Variants in CAPN15 observed in about 807,000 individuals in gnomAD.
The protein encoded by CAPN15 is calpain-15.
CAPN15 carries 53 observed loss-of-function variants against 97.9 expected under a neutral mutation model. The observed-to-expected ratio is 0.54, with a 90% confidence interval of 0.43 to 0.68. The LOEUF (loss-of-function observed/expected upper bound fraction) is 0.68. Among genes scored for constraint, CAPN15 ranks in the 30% least tolerant of loss-of-function variants. The pLI, the probability that CAPN15 is intolerant of heterozygous loss-of-function variation, is 0.00. For synonymous variants in CAPN15, 922 were observed against 722.5 expected (o/e 1.28, Z -4.43); for missense variants, 1,592 against 1,589.8 (o/e 1.00, Z -0.02).
Position 547,879 on chromosome 16 carries a change from C to T in CAPN15, c.1041C>T (p.Ala347=). 2 of 1,611,396 alleles carry T rather than the reference C, an allele frequency of 1.2e-6. No individual in the cohort carries two copies. Among genetic ancestry groups the T allele is most frequent in the Non-Finnish European group, 1.7e-6 (2 of 1,179,354 alleles). Residue 347 remains alanine, a synonymous_variant, in exon 4 of 14, where the codon GCC becomes GCT. Transcript: ENST00000219611. ...SSPDFTTWSC[A]KCTLRNPTVA... is the part of the protein sequence containing the mutation. Reference sequence around the variant, plus strand: ...CCGACTTCACCACCTGGTCATGTGCCAAGTGCACGCTCAGAAACCCCACAG... The same window carrying T: ...CCGACTTCACCACCTGGTCATGTGCTAAGTGCACGCTCAGAAACCCCACAG...
At position 548,118 on chromosome 16, in the gene CAPN15, T is replaced by C. The variant is rs116683117; in HGVS notation, c.1280T>C (p.Leu427Pro). ...CCTGCCTGTACCCTGCTCAACGCACTGCGGGCCAAGCACTGCGCCGCCTGC... is the reference window on the plus strand; with the variant it reads ...CCTGCCTGTACCCTGCTCAACGCACCGCGGGCCAAGCACTGCGCCGCCTGC... ...ACPACTLLNA[L>P]RAKHCAACHT... is the part of the protein sequence containing the mutation. Residue 427 changes from leucine (L) to proline (P), a missense_variant, in exon 4 of 14, where the codon CTG (leucine) becomes CCG (proline). Around this residue, in one of 3 missense-constraint regions of CAPN15, gnomAD observed 883 missense variants for 776.6 expected, o/e 1.14. Transcript: ENST00000219611. 0.017 allele frequency: 26,459 copies of C among 1,536,314 alleles called. 448 individuals are homozygous for C. Among genetic ancestry groups the C allele is most frequent in the African/African-American group, 0.085 (6,135 of 72,072 alleles).
chr16:533,233 A>G (rs1297289413), intron 1 of CAPN15, among the ~76,000 whole-genome samples: 3 of 152,206 alleles, frequency 2.0e-5, no homozygotes, highest in Admixed American at 2.0e-4. Flanking sequence ...AAAATAAAAT[A>G]AAAAATTTAA....
At chr16:540,505 C>A in intron 3 of CAPN15, 1 of 319,068 alleles carries the variant, frequency 3.1e-6, no homozygotes, top group Non-Finnish European at 4.5e-6. Flanking sequence ...AGCTCTCTTC[C>A]CCAGGGTGCA....
At chr16:550,182 C>T (rs2034890466) in intron 7 of CAPN15, among the ~76,000 whole-genome samples, 1 of 152,214 alleles carries the variant, frequency 6.6e-6, no homozygotes, top group South Asian at 2.1e-4. Context: ...AGCGGCGTGT[C>T]GAGTTTGGCC....
chr16:547,241 G>C lies in CAPN15; in HGVS notation c.403G>C (p.Glu135Gln). ...DKDEEEKEEQ[E>Q]EEEGAAEPRG... Reference sequence around the variant, plus strand: ...GGACGAGGAGGAGAAGGAGGAGCAGGAGGAGGAGGAGGGAGCGGCGGAGCC... The same window carrying C: ...GGACGAGGAGGAGAAGGAGGAGCAGCAGGAGGAGGAGGGAGCGGCGGAGCC... Residue 135 changes from glutamate (E) to glutamine (Q), a missense_variant, in exon 4 of 14, where the codon GAG (glutamate) becomes CAG (glutamine). Coordinates refer to ENST00000219611, the MANE Select transcript of CAPN15 (RefSeq NM_005632.3). The C allele has an allele frequency of 6.7e-7, 1 of 1,485,164 alleles. No homozygotes were observed. The highest frequency in any genetic ancestry group is 2.2e-5 in the Admixed American group (1 of 45,152). 92.0% of individuals were successfully genotyped at this position (1,485,164 alleles called of 1,614,324 possible).
chr16:544,808 TCGCCTCCCCCA>T (rs1158751163), intron 3 of CAPN15, among the ~76,000 whole-genome samples: 1 of 55,920 alleles, frequency 1.8e-5, no homozygotes, highest in African/African-American at 7.8e-5. Context: ...CTCCCCCACG[TCGCCTCCCCCA>T]CGTCGCCTCC....
rs1567136053 is a variant in CAPN15 at position 535,781 on chromosome 16, G to A, written c.-136-248G>A. On this transcript the variant is annotated intron_variant, in intron 2 of 13. Transcript: ENST00000219611. This position sits in a 1 kb window ranked among gnomAD's most constrained non-coding sequence, Gnocchi z 6.2. ...ACGGCTCCTGCTGGTTCCCATTCGC[G>A]AGCACCTGAAACAGCCTGGCCCACA... 2.6e-5 allele frequency among the ~76,000 whole-genome samples: 4 copies of A among 152,092 alleles called. No homozygotes were observed. The highest frequency in any genetic ancestry group is 2.1e-4 in the South Asian group (1 of 4,828).
chr16:541,548 T>TA (rs2034118326), intron 3 of CAPN15, among the ~76,000 whole-genome samples: 1 of 152,188 alleles, frequency 6.6e-6, no homozygotes, highest in Non-Finnish European at 1.5e-5. Context: ...TTCCTGGTGT[T>TA]ACCGCACCAG....
In CAPN15 at chr16:554,372, C is replaced by T. The variant is rs1000828690; in HGVS notation, c.*856C>T. 18 of 392,158 alleles carry T rather than the reference C, an allele frequency of 4.6e-5. No homozygotes were observed. Among genetic ancestry groups the T allele is most frequent in the South Asian group, 2.1e-4 (11 of 53,554 alleles). 24.3% of individuals were successfully genotyped at this position (392,158 alleles called of 1,614,324 possible). On this transcript the variant is annotated 3_prime_UTR_variant, in exon 14 of 14. Coordinates refer to ENST00000219611, the MANE Select transcript of CAPN15 (RefSeq NM_005632.3). ...GCGTGCCCTCCTGGCCCCTCACTCC[C>T]GGCAGCGGGCCGGCCTCGCCCCCAC...
intron 3 of CAPN15, among the ~76,000 whole-genome samples, chr16:544,699 CCACG>C: frequency 7.1e-6 from 1 of 141,134 alleles, no homozygotes; most frequent in Non-Finnish European, 1.5e-5. Flanking sequence ...GTCGCCTCCC[CCACG>C]TCGCCTCCCC....
Position 534,975 on chromosome 16 carries a change from G to T in CAPN15, c.-137+977G>T, listed in dbSNP as rs183588501. ...CCTGCGGGGCAGGGGAGGGCTCGGGGGTACAGCCGTGTACATGATTAGTTA... is the reference window on the plus strand; with the variant it reads ...CCTGCGGGGCAGGGGAGGGCTCGGGTGTACAGCCGTGTACATGATTAGTTA... On this transcript the variant is annotated intron_variant, in intron 2 of 13. Coordinates refer to ENST00000219611, the MANE Select transcript of CAPN15 (RefSeq NM_005632.3). Among the ~76,000 whole-genome samples, 259 of 152,300 alleles carry T rather than the reference G, an allele frequency of 1.7e-3. 1 individual carries two copies. The highest frequency in any genetic ancestry group is 6.0e-3 in the African/African-American group (250 of 41,558).
intron 3 of CAPN15, among the ~76,000 whole-genome samples, chr16:536,568 G>A (rs556640062): frequency 1.3e-5 from 2 of 152,220 alleles, no homozygotes; most frequent in East Asian, 1.9e-4. Flanking sequence ...GATTACAGGC[G>A]CCCGCCACCA....
chr16:552,761 A>G lies in CAPN15; in HGVS notation c.2894A>G (p.Glu965Gly), dbSNP rs1237803022. Residue 965 changes from glutamate to glycine, a missense_variant, in exon 12 of 14, where the codon GAG (glutamate) becomes GGG (glycine). Physicochemically the swap from Glu to Gly is moderately conservative, Grantham distance 98 (BLOSUM62 -2). This residue lies in a region of CAPN15 where 644 missense variants were observed against 699.6 expected (regional missense o/e 0.92). Transcript: ENST00000219611. This position sits in a 1 kb window ranked among gnomAD's most constrained non-coding sequence, Gnocchi z 6.4. ...ATCCTGCTCACCGAGAGCCGCGGAGAGCGGCACGAGGTGGGTGGGGGTCCC... is the reference window on the plus strand; with the variant it reads ...ATCCTGCTCACCGAGAGCCGCGGAGGGCGGCACGAGGTGGGTGGGGGTCCC... Reference protein sequence around the residue: ...AIILLTESRGERHEGREGMTC... With the variant: ...AIILLTESRGGRHEGREGMTC... 1 of 1,530,224 alleles carries G rather than the reference A, an allele frequency of 6.5e-7. No homozygotes were observed. The highest frequency in any genetic ancestry group is 8.8e-7 in the Non-Finnish European group (1 of 1,137,456). The allele number at this position is 1,530,224 out of a possible 1,614,324, so 94.8% of individuals were successfully genotyped here. A position where few individuals can be genotyped will look rare whatever the true frequency, so the allele number is the denominator to read the frequency against.
intron 3 of CAPN15, among the ~76,000 whole-genome samples, chr16:541,317 A>G (rs796914394): frequency 2.6e-5 from 4 of 152,226 alleles, no homozygotes; most frequent in African/African-American, 4.8e-5. Flanking sequence ...GGAGCCCTGG[A>G]GCCCTGTCTG....
intron 1 of CAPN15, among the ~76,000 whole-genome samples, chr16:532,181 A>C (rs1233520315): frequency 6.7e-6 from 1 of 149,782 alleles, no homozygotes; most frequent in Non-Finnish European, 1.5e-5. Context: ...CGGAGGTTGC[A>C]GTTAGCCGGG....
chr16:553,119 GC>G lies in CAPN15; in HGVS notation c.3083+85del, dbSNP rs1359379553. The G allele has an allele frequency of 1.6e-5, 10 of 618,454 alleles. No individual in the cohort carries two copies. In the East Asian group the frequency reaches 2.3e-4, roughly 14 times the overall value. The allele number at this position is 618,454 out of a possible 1,614,324, so 38.3% of individuals were successfully genotyped here. Reference sequence around the variant, plus strand: ...CCCGCTGCACCCACACCCAACTCGTGCCCCCCCACCCCTGCACAGGTGCCCC... The same window carrying G: ...CCCGCTGCACCCACACCCAACTCGTGCCCCCCACCCCTGCACAGGTGCCCC... On this transcript the variant is annotated intron_variant, in intron 13 of 13. Transcript: ENST00000219611.
chr16:536,130 C>A lies in CAPN15; in HGVS notation c.-35C>A. Reference sequence around the variant, plus strand: ...GCCCAGGCCCTGAGGTGGGCCGGACCTGGGAGTGGCAGGTGAGCGTTCCTC... The same window carrying A: ...GCCCAGGCCCTGAGGTGGGCCGGACATGGGAGTGGCAGGTGAGCGTTCCTC... On this transcript the variant is annotated 5_prime_UTR_variant, in exon 3 of 14. The change creates a new upstream start codon in the 5' untranslated region. Transcript: ENST00000219611. 1.0e-6 allele frequency: 1 copy of A among 978,074 alleles called. No individual in the cohort carries two copies. The highest frequency in any genetic ancestry group is 1.2e-6 in the Non-Finnish European group (1 of 823,456). 60.6% of individuals were successfully genotyped at this position (978,074 alleles called of 1,614,324 possible). A position where few individuals can be genotyped will look rare whatever the true frequency, so the allele number is the denominator to read the frequency against.
In CAPN15 at chr16:552,919, G is replaced by C. The variant is rs770860082; in HGVS notation, c.2961G>C (p.Val987=). Residue 987 remains valine (V), a synonymous_variant, in exon 13 of 14, where the codon GTG becomes GTC. Transcript: ENST00000219611. The surrounding 1 kb of genome is among the most constrained non-coding windows in gnomAD (Gnocchi z 6.4). ...YLTHGWAGLI[V]VVENRHPKAY... ...CACACGGTTGGGCGGGGCTCATCGT[G>C]GTGGTGGAGAACCGACACCCCAAGG... 1.9e-6 allele frequency: 3 copies of C among 1,611,716 alleles called. No homozygotes were observed. The South Asian group carries it at 3.3e-5, about 18-fold the overall frequency.
chr16:551,332 C>T lies in CAPN15; in HGVS notation c.2097C>T (p.Gly699=). ...GFLMGASCGG[G]NMKVDDSAYE... ...TCATGGGTGCCTCCTGTGGCGGGGG[C>T]AACATGAAGGTGGACGATTCGGCCT... The change falls in exon 8 of 14, where the codon GGC becomes GGT. Residue 699 remains glycine (G), a synonymous_variant. Transcript: ENST00000219611. The T allele has an allele frequency of 1.2e-6, 2 of 1,604,252 alleles. No individual in the cohort carries two copies. The highest frequency in any genetic ancestry group is 4.5e-5 in the East Asian group (2 of 44,758).
Sources: gnomAD v4.1 joint callset for allele counts (sites outside exome capture counted in the v4.1 genomes callset) on GRCh38, gnomAD v4.1.1 for gene constraint, gnomAD v4.1.1 regional missense constraint, Gnocchi (gnomAD v3.1) non-coding constraint, MANE v1.5 for transcripts, NCBI Gene and HGNC (gene_info 2026-07-23, HGNC 2026-07-21) for gene names.